Variants in ERAP1 observed in about 807,000 individuals in gnomAD.
ERAP1 encodes endoplasmic reticulum aminopeptidase 1.
Under a neutral mutation model 103.7 loss-of-function variants are expected in ERAP1, and 86 were observed. The observed-to-expected ratio is 0.83, with a 90% CI of 0.70 to 0.99. The LOEUF (loss-of-function observed/expected upper bound fraction) is 0.99, where lower values mean the gene tolerates loss of function less well. Among genes scored for constraint, ERAP1 ranks in the 50% least tolerant of loss-of-function variants. The pLI is 0.00. For synonymous variants in ERAP1, 398 were observed against 402.4 expected (o/e 0.99, Z 0.13); for missense variants, 1,009 against 1,128.4 (o/e 0.89, Z 1.52).
At chr5:96,928,516 G>A in the ERAP1 span, among the ~76,000 whole-genome samples, 2 of 152,110 alleles carry the variant, frequency 1.3e-5, no homozygotes, top group African/African-American at 4.8e-5. Context: ...ACAAGCCTAG[G>A]GACTATTAGA....
chr5:96,801,854 CAAAAAAAAAAAAAAAA>C (rs59332218), intron 2 of ERAP1, among the ~76,000 whole-genome samples: 2 of 54,682 alleles, frequency 3.7e-5, no homozygotes, highest in Non-Finnish European at 5.8e-5. Context: ...TCCGTCTCGA[CAAAAAAAAAAAAAAAA>C]AAAAAAAAAA....
chr5:96,886,705 T>C, the ERAP1 span: 1 of 1,553,152 alleles, frequency 6.4e-7, no homozygotes, highest in African/African-American at 1.3e-5. Context: ...ACTTTGAAAC[T>C]ACTGTAAAAA....
the ERAP1 span, among the ~76,000 whole-genome samples, chr5:96,832,363 T>C: frequency 6.6e-6 from 1 of 152,188 alleles, no homozygotes; most frequent in African/African-American, 2.4e-5. Context: ...GTTAATAAAA[T>C]GTTATTAAAT....
At chr5:96,879,861 G>T in the ERAP1 span, 6 of 1,614,010 alleles carry the variant, frequency 3.7e-6, no homozygotes, top group Non-Finnish European at 5.1e-6. Flanking sequence ...GCCACTAATG[G>T]GGAACGATTT....
intron 11 of ERAP1, 177 bp from the exon 12 acceptor site, chr5:96,786,726 T>A (rs866379030): frequency 3.4e-6 from 2 of 586,694 alleles, no homozygotes; most frequent in African/African-American, 1.9e-5. Flanking sequence ...GAGTGTCAGC[T>A]CGGGCACTAT....
the ERAP1 span, among the ~76,000 whole-genome samples, chr5:96,829,582 C>G: frequency 6.6e-6 from 1 of 152,180 alleles, no homozygotes; most frequent in South Asian, 2.1e-4. Context: ...AAGAAAAATT[C>G]CTAGGCTAAC....
chr5:96,766,981 C>T (rs1770230566), intron 19 of ERAP1, among the ~76,000 whole-genome samples: 1 of 152,168 alleles, frequency 6.6e-6, no homozygotes, highest in Non-Finnish European at 1.5e-5. Flanking sequence ...TAGAGCCCTT[C>T]CCACTTTGAT....
At chr5:96,920,483 T>A in the ERAP1 span, among the ~76,000 whole-genome samples, 1 of 151,888 alleles carries the variant, frequency 6.6e-6, no homozygotes, top group Non-Finnish European at 1.5e-5. Flanking sequence ...GTTCCAGGGG[T>A]TTTTGGTCTT....
Position 96,775,893 on chromosome 5 carries a change from C to CAAGT in ERAP1, c.*499_*502dup. On this transcript the variant is annotated 3_prime_UTR_variant, in exon 19 of 19. Coordinates refer to ENST00000443439, the MANE Select transcript of ERAP1 (RefSeq NM_001040458.3). ...AGAAAGCTTGATGACTTGGCCTTTA[C>CAAGT]AAGTCAGCCCCTGGGCATGGAGCAA... 1.1e-6 allele frequency: 1 copy of CAAGT among 937,370 alleles called. No individual in the cohort carries two copies. Among genetic ancestry groups the CAAGT allele is most frequent in the East Asian group, 1.1e-4 (1 of 9,288 alleles). The allele number at this position is 937,370 out of a possible 1,614,324, so 58.1% of individuals were successfully genotyped here. A position where few individuals can be genotyped will look rare whatever the true frequency, so the allele number is the denominator to read the frequency against.
At chr5:96,786,134 A>T in intron 12 of ERAP1, 163 bp from the exon 13 acceptor site, 1 of 687,674 alleles carries the variant, frequency 1.5e-6, no homozygotes, top group Non-Finnish European at 2.5e-6. Context: ...CTCAATAGAC[A>T]AAAGCTAACA....
the ERAP1 span, among the ~76,000 whole-genome samples, chr5:96,874,142 G>GAAAGAAAA: frequency 3.1e-5 from 3 of 98,296 alleles, no homozygotes; most frequent in South Asian, 1.1e-3. Context: ...GAGAGAGAAA[G>GAAAGAAAA]AAAGAAAGAA....
the ERAP1 span, among the ~76,000 whole-genome samples, chr5:96,843,949 C>T: frequency 1.3e-5 from 2 of 152,294 alleles, no homozygotes; most frequent in Admixed American, 1.3e-4. Context: ...CCTTTTTATG[C>T]CAAACCATTG....
At chr5:96,797,131 A>G (rs1203444622) in intron 4 of ERAP1, 44 bp downstream of exon 4, 4 of 1,613,450 alleles carry the variant, frequency 2.5e-6, no homozygotes, top group Non-Finnish European at 3.4e-6. Context: ...GTTCCAAGCA[A>G]ACCAGAACAA....
upstream of ERAP1, among the ~76,000 whole-genome samples, chr5:96,808,706 C>T (rs1471581470): frequency 2.0e-5 from 3 of 152,188 alleles, no homozygotes; most frequent in Admixed American, 2.0e-4. Context: ...CTTCACTCCC[C>T]TTAGAACAAT....
At chr5:96,872,444 A>T in the ERAP1 span, among the ~76,000 whole-genome samples, 5,175 of 152,192 alleles carry the variant, frequency 0.034, 127 homozygotes, top group Middle Eastern at 0.11. Context: ...ACAAAAAATT[A>T]AAAAATTAGC....
At chr5:96,785,502 C>T (rs1561676792) in intron 13 of ERAP1, 4 of 413,372 alleles carry the variant, frequency 9.7e-6, no homozygotes, top group South Asian at 4.2e-5. Context: ...CAAGGAGTTT[C>T]GCCAGGATGT....
rs577593911 is a variant in ERAP1, at chr5:96,780,129, C to A, written c.2670+294G>T. Among the ~76,000 whole-genome samples the A allele has an allele frequency of 3.3e-5, 5 of 152,302 alleles. No individual in the cohort carries two copies. The East Asian group carries it at 9.6e-4, about 29-fold the overall frequency. On this transcript the variant is annotated intron_variant, in intron 18 of 18. Transcript: ENST00000443439. Reference sequence around the variant, plus strand: ...CACTTCAGTCATTTATACCTCAGTGCCCACTTTTAACATCCTTAAACAAGG... The same window carrying A: ...CACTTCAGTCATTTATACCTCAGTGACCACTTTTAACATCCTTAAACAAGG...
the ERAP1 span, among the ~76,000 whole-genome samples, chr5:96,924,479 G>C: frequency 1.3e-5 from 2 of 152,116 alleles, no homozygotes; most frequent in African/African-American, 4.8e-5. Flanking sequence ...GTGAACCTTG[G>C]GCAAGCTTTA....
intron 16 of ERAP1, 135 bp from the exon 17 acceptor site, chr5:96,781,333 A>G (rs1775140854): frequency 4.7e-6 from 4 of 854,428 alleles, no homozygotes; most frequent in Middle Eastern, 3.5e-4. Flanking sequence ...GGGTAACCAC[A>G]ATCCTGATAA....
Sources: gnomAD v4.1 joint callset for allele counts (sites outside exome capture counted in the v4.1 genomes callset) on GRCh38, gnomAD v4.1.1 for gene constraint, MANE v1.5 for transcripts, NCBI Gene and HGNC (gene_info 2026-07-23, HGNC 2026-07-21) for gene names.